EIF2AK4: variants seen among roughly 807,000 people sequenced by gnomAD.
The protein encoded by EIF2AK4 is eukaryotic translation initiation factor 2 alpha kinase 4, also known as eIF-2-alpha kinase GCN2.
EIF2AK4 carries 139 observed loss-of-function variants against 211.1 expected under a neutral mutation model. The observed-to-expected ratio is 0.66, with a 90% CI of 0.57 to 0.76. The LOEUF (loss-of-function observed/expected upper bound fraction) is 0.76. Ranked by LOEUF, EIF2AK4 falls within the 30% of genes least tolerant of loss-of-function variation. The pLI is 0.00. For synonymous variants in EIF2AK4, 710 were observed against 751.3 expected, an observed-to-expected ratio of 0.94 and a Z score of 0.90; for missense variants, 1,664 against 2,043.8, an observed-to-expected ratio of 0.81 and a Z score of 3.58.
intron 4 of EIF2AK4, among the ~76,000 whole-genome samples, chr15:39,949,894 A>G (rs2034282882): frequency 6.6e-6 from 1 of 151,992 alleles, no homozygotes; most frequent in African/African-American, 2.4e-5. Context: ...AATAGTTACC[A>G]TTTGTATTTT....
At chr15:39,986,631 A>G (rs1038673699) in intron 14 of EIF2AK4, among the ~76,000 whole-genome samples, 2 of 152,234 alleles carry the variant, frequency 1.3e-5, no homozygotes, top group Non-Finnish European at 2.9e-5. Context: ...AGGCGGGTGG[A>G]TCACCTGAGG....
At position 40,008,099 on chromosome 15, in the gene EIF2AK4, A is replaced by C; in HGVS notation, c.3480A>C (p.Ala1160=). 1.2e-6 allele frequency: 2 copies of C among 1,613,180 alleles called. No individual in the cohort carries two copies. The highest frequency in any genetic ancestry group is 1.7e-6 in the Non-Finnish European group (2 of 1,179,646). Residue 1160 remains alanine, a synonymous_variant, in exon 25 of 39, where the codon GCA becomes GCC. Transcript: ENST00000263791. ...RFHPKELLEC[A]FDIVTSTTNS... is the part of the protein sequence containing the mutation. ...ATCCCAAAGAACTTCTGGAGTGTGC[A>C]TTTGATATTGTCACTTCTACCACCA...
rs561863714 is a variant in EIF2AK4 at position 39,980,649 on chromosome 15, G to C, written c.2319+2502G>C. Reference sequence around the variant, plus strand: ...CTAGGGCAGTCAGTTGTGGCTGTGGGGAATTATTCTACTATTGGGGACTGA... The same window carrying C: ...CTAGGGCAGTCAGTTGTGGCTGTGGCGAATTATTCTACTATTGGGGACTGA... On this transcript the variant is annotated intron_variant, in intron 13 of 38. Transcript: ENST00000263791. Among the ~76,000 whole-genome samples, 4 of 152,248 alleles carry C rather than the reference G, an allele frequency of 2.6e-5. No homozygotes were observed. In the South Asian group the frequency reaches 6.2e-4, roughly 24 times the overall value.
chr15:39,994,589 A>G (rs940940807), intron 18 of EIF2AK4, among the ~76,000 whole-genome samples: 3 of 152,226 alleles, frequency 2.0e-5, no homozygotes, highest in African/African-American at 7.2e-5. Context: ...AGCCTGGGCA[A>G]CGGAGCAAGA....
chr15:39,975,544 A>G (rs551582460), intron 11 of EIF2AK4: 17 of 152,354 alleles, frequency 1.1e-4, no homozygotes, highest in Admixed American at 7.2e-4. Flanking sequence ...GGATGTGACT[A>G]CAAGGTTTCA....
chr15:39,992,535 A>T (rs2034957776), intron 17 of EIF2AK4: 2 of 582,586 alleles, frequency 3.4e-6, no homozygotes, highest in Non-Finnish European at 6.1e-6. Flanking sequence ...CTGGGGTCTT[A>T]TCTGGCACTG....
intron 7 of EIF2AK4, among the ~76,000 whole-genome samples, chr15:39,965,138 T>G (rs2034525434): frequency 6.6e-6 from 1 of 152,198 alleles, no homozygotes; most frequent in Non-Finnish European, 1.5e-5. Context: ...TTTTGTTTTT[T>G]GAGACAGAGT....
chr15:39,967,830 G>A lies in EIF2AK4; in HGVS notation c.1504G>A (p.Val502Met). 1.2e-6 allele frequency: 2 copies of A among 1,614,174 alleles called. No homozygotes were observed. Among genetic ancestry groups the A allele is most frequent in the South Asian group, 1.1e-5 (1 of 91,084 alleles). Residue 502 changes from valine to methionine, a missense_variant, in exon 9 of 39, where the codon GTG (valine) becomes ATG (methionine). Val to Met is a conservative substitution (Grantham distance 21). Coordinates refer to ENST00000263791, the MANE Select transcript of EIF2AK4 (RefSeq NM_001013703.4). ...AGGACAGGAATGTGGAGAGTACCCT[G>A]TGACCATCCCTAGTGACTTACCAGC... ...SQGQECGEYPVTIPSDLPADF... is the reference protein window; with the variant it reads ...SQGQECGEYPMTIPSDLPADF...
chr15:40,006,082 T>TCAAA (rs2035158884), intron 23 of EIF2AK4, among the ~76,000 whole-genome samples: 1 of 152,170 alleles, frequency 6.6e-6, no homozygotes, highest in African/African-American at 2.4e-5. Flanking sequence ...GAGTAAGGTG[T>TCAAA]CAAAGAATAC....
At chr15:39,981,866 G>A (rs2034793287) in intron 13 of EIF2AK4, among the ~76,000 whole-genome samples, 1 of 151,742 alleles carries the variant, frequency 6.6e-6, no homozygotes, top group East Asian at 1.9e-4. Flanking sequence ...TGGCAGCTGA[G>A]GGCATGTTCT....
At chr15:39,950,499 G>A (rs2034292284) in intron 4 of EIF2AK4, among the ~76,000 whole-genome samples, 1 of 151,486 alleles carries the variant, frequency 6.6e-6, no homozygotes, top group Non-Finnish European at 1.5e-5. Flanking sequence ...TCTGAGGCAC[G>A]AGAATTGCTC....
intron 33 of EIF2AK4, among the ~76,000 whole-genome samples, chr15:40,026,821 G>A (rs1299349915): frequency 6.6e-6 from 1 of 152,134 alleles, no homozygotes; most frequent in Admixed American, 6.5e-5. Context: ...ATTTGACAAA[G>A]TAAATTAAAA....
chr15:40,017,173 G>T lies in EIF2AK4; in HGVS notation c.3996G>T (p.Val1332=). ...ACAATGGAATCATCTTCCAGTTTGT[G>T]GCTTTCATCAAACGAAGGCAAAGGG... ...QQHNGIIFQF[V]AFIKRRQRAV... Residue 1332 remains valine, a synonymous_variant, in exon 29 of 39, where the codon GTG becomes GTT. Coordinates refer to ENST00000263791, the MANE Select transcript of EIF2AK4 (RefSeq NM_001013703.4). 2 of 1,613,996 alleles carry T rather than the reference G, an allele frequency of 1.2e-6. No homozygotes were observed. Among genetic ancestry groups the T allele is most frequent in the Non-Finnish European group, 1.7e-6 (2 of 1,179,914 alleles).
intron 23 of EIF2AK4, among the ~76,000 whole-genome samples, chr15:40,003,888 A>G (rs1018065546): frequency 2.0e-5 from 3 of 152,250 alleles, no homozygotes; most frequent in Non-Finnish European, 2.9e-5. Flanking sequence ...AAAACATGCA[A>G]TGCATGTGAC....
intron 14 of EIF2AK4, among the ~76,000 whole-genome samples, chr15:39,987,275 G>A (rs537754115): frequency 6.6e-6 from 1 of 152,186 alleles, no homozygotes; most frequent in South Asian, 2.1e-4. Flanking sequence ...TGTGAGGCCC[G>A]GAGGGTGAAC....
intron 33 of EIF2AK4, among the ~76,000 whole-genome samples, chr15:40,029,007 T>C (rs1288881486): frequency 6.6e-6 from 1 of 152,234 alleles, no homozygotes; most frequent in East Asian, 1.9e-4. Flanking sequence ...TACCAAATGT[T>C]CTCCTGTGGG....
intron 27 of EIF2AK4, among the ~76,000 whole-genome samples, chr15:40,014,979 T>C (rs911173935): frequency 3.3e-5 from 5 of 152,350 alleles, no homozygotes; most frequent in East Asian, 1.9e-4. Flanking sequence ...CCAGTCTCTT[T>C]GCTAAAACAT....
chr15:40,017,215 C>T lies in EIF2AK4; in HGVS notation c.4038C>T (p.Leu1346=), dbSNP rs771324436. 20 of 1,613,550 alleles carry T rather than the reference C, an allele frequency of 1.2e-5. No homozygotes were observed. The highest frequency in any genetic ancestry group is 5.5e-5 in the South Asian group (5 of 91,048). Residue 1346 remains leucine (L), a synonymous_variant, in exon 29 of 39, where the codon CTC becomes CTT. Coordinates refer to ENST00000263791, the MANE Select transcript of EIF2AK4 (RefSeq NM_001013703.4). ...GGCAAAGGGCTGTACCTGAAATCCTCGCAGCTGGAGGCAGATATGACCTGC... is the reference window on the plus strand; with the variant it reads ...GGCAAAGGGCTGTACCTGAAATCCTTGCAGCTGGAGGCAGATATGACCTGC... ...KRRQRAVPEI[L]AAGGRYDLLI... is the part of the protein sequence containing the mutation.
chr15:39,976,348 G>A, intron 11 of EIF2AK4, 66 bp from the exon 12 acceptor site: 1 of 1,490,582 alleles, frequency 6.7e-7, no homozygotes, highest in Non-Finnish European at 9.0e-7. Context: ...GAGGGGATGG[G>A]GTGCGGTGCA....
Sources: allele counts gnomAD v4.1 joint callset (sites outside exome capture counted in the v4.1 genomes callset), GRCh38; gene constraint gnomAD v4.1.1; transcripts MANE v1.5; gene names NCBI Gene and HGNC (gene_info 2026-07-23, HGNC 2026-07-21).